The following NOL4 variants were observed in gnomAD, a reference collection of about 807,000 sequenced individuals.
NOL4 encodes nucleolar protein 4.
NOL4 carries 17 observed loss-of-function variants against 75.9 expected under a neutral mutation model. The ratio of observed to expected loss-of-function variants is 0.22; its 90% confidence interval spans 0.15 to 0.34. NOL4 has a LOEUF of 0.34. NOL4 is among the 10% of genes least tolerant of loss of function. The pLI, the probability that NOL4 is intolerant of heterozygous loss-of-function variation, is 1.00. For synonymous variants in NOL4, 292 were observed against 289.9 expected (o/e 1.01, Z -0.07); for missense variants, 614 against 793.5 (o/e 0.77, Z 2.72).
chr18:33,919,048 A>AT (rs1429296872), intron 9 of NOL4, among the ~76,000 whole-genome samples: 3 of 152,126 alleles, frequency 2.0e-5, no homozygotes, highest in African/African-American at 7.2e-5. Context: ...TATGTATTTT[A>AT]TTTTTGCAGA....
At chr18:34,041,236 C>CA (rs150441727) in intron 5 of NOL4, among the ~76,000 whole-genome samples, 3,767 of 151,872 alleles carry the variant, frequency 0.025, 162 homozygotes, top group African/African-American at 0.086. Context: ...TTGAGGTCAA[C>CA]AAGAAGCAAG....
chr18:34,204,380 C>G (rs1290032762), intron 1 of NOL4, among the ~76,000 whole-genome samples: 1 of 151,966 alleles, frequency 6.6e-6, no homozygotes, highest in African/African-American at 2.4e-5. Context: ...TATTTCATTC[C>G]TTTTTATTTT....
intron 10 of NOL4, among the ~76,000 whole-genome samples, chr18:33,881,516 CA>C (rs1414998414): frequency 1.3e-5 from 2 of 151,860 alleles, no homozygotes; most frequent in African/African-American, 2.4e-5. Context: ...AGGACCTCTT[CA>C]AGGAGAACTA....
At chr18:33,882,769 C>T (rs1487128543) in intron 10 of NOL4, among the ~76,000 whole-genome samples, 4 of 152,082 alleles carry the variant, frequency 2.6e-5, no homozygotes, top group East Asian at 3.9e-4. Context: ...ATGTTTATTG[C>T]GGCACTGTTC....
intron 1 of NOL4, among the ~76,000 whole-genome samples, chr18:34,154,058 T>A (rs1226762555): frequency 6.6e-6 from 1 of 151,912 alleles, no homozygotes; most frequent in Non-Finnish European, 1.5e-5. Flanking sequence ...TTCAGAGGAT[T>A]CCATTACTAA....
At chr18:33,895,876 A>G (rs2065371004) in intron 9 of NOL4, among the ~76,000 whole-genome samples, 2 of 152,152 alleles carry the variant, frequency 1.3e-5, no homozygotes, top group South Asian at 4.1e-4. Context: ...CTCTGTTTGC[A>G]GATAACATAA....
chr18:34,077,619 A>G (rs2077808958), intron 5 of NOL4, among the ~76,000 whole-genome samples: 1 of 152,074 alleles, frequency 6.6e-6, no homozygotes, highest in African/African-American at 2.4e-5. Flanking sequence ...ACAAACTAAA[A>G]CCTACCAAAG....
chr18:34,111,342 T>C (rs1258264710), intron 2 of NOL4, among the ~76,000 whole-genome samples: 1 of 152,328 alleles, frequency 6.6e-6, no homozygotes, highest in Non-Finnish European at 1.5e-5. Context: ...ATGTTTTGAA[T>C]GTCCGTGTCT....
Position 33,886,921 on chromosome 18 carries a change from T to C in NOL4, c.1543-3497A>G, listed in dbSNP as rs1419780228. On this transcript the variant is annotated intron_variant, in intron 9 of 10. Transcript: ENST00000261592. ...TTATATCTAGATATATCTATATACATATATATCTATATATCTATATATCTA... is the reference window on the plus strand; with the variant it reads ...TTATATCTAGATATATCTATATACACATATATCTATATATCTATATATCTA... Among the ~76,000 whole-genome samples the C allele has an allele frequency of 2.6e-5, 3 of 114,122 alleles. No individual in the cohort carries two copies. The East Asian group carries it at 6.1e-4, about 23-fold the overall frequency. The allele number at this position is 114,122 out of a possible 152,430, so 74.9% of individuals were successfully genotyped here. A position where few individuals can be genotyped will look rare whatever the true frequency, so the allele number is the denominator to read the frequency against.
At chr18:34,195,045 GAAAAGA>G (rs892047879) in intron 1 of NOL4, among the ~76,000 whole-genome samples, 1 of 149,174 alleles carries the variant, frequency 6.7e-6, no homozygotes, top group African/African-American at 2.5e-5. Context: ...AAAAAAGAAA[GAAAAGA>G]AAAAGAAAAA....
At chr18:34,098,178 C>T (rs548741480) in intron 4 of NOL4, among the ~76,000 whole-genome samples, 2 of 152,246 alleles carry the variant, frequency 1.3e-5, no homozygotes, top group Admixed American at 1.3e-4. Flanking sequence ...TTTCTCTCTC[C>T]TCCCCTTGAA....
intron 6 of NOL4, among the ~76,000 whole-genome samples, chr18:33,968,821 AAAAT>A (rs1202135142): frequency 2.0e-5 from 3 of 152,190 alleles, no homozygotes. Context: ...CACAAATGCA[AAAAT>A]AAATGACATT....
chr18:34,010,816 A>G (rs926396554), intron 6 of NOL4, among the ~76,000 whole-genome samples: 31 of 151,828 alleles, frequency 2.0e-4, no homozygotes, highest in Non-Finnish European at 5.9e-5. Context: ...GAGGTTGAGC[A>G]TTTTTTCATA....
chr18:34,026,547 T>C (rs1004428171), intron 5 of NOL4, among the ~76,000 whole-genome samples: 6 of 152,142 alleles, frequency 3.9e-5, no homozygotes, highest in Non-Finnish European at 7.4e-5. Flanking sequence ...CTGTAAATAG[T>C]GCCTAGTGTT....
chr18:34,099,485 C>T (rs187278533), intron 4 of NOL4, among the ~76,000 whole-genome samples: 27 of 152,004 alleles, frequency 1.8e-4, no homozygotes, highest in Middle Eastern at 3.4e-3. Context: ...TGCCTTTCTT[C>T]AACCATTTTG....
At chr18:33,944,503 C>T (rs538353488) in intron 8 of NOL4, among the ~76,000 whole-genome samples, 35 of 151,882 alleles carry the variant, frequency 2.3e-4, no homozygotes, top group Non-Finnish European at 4.4e-4. Flanking sequence ...CCTCACTACT[C>T]CCCCTCCAAA....
At chr18:34,108,556 T>A (rs1044442503) in intron 2 of NOL4, among the ~76,000 whole-genome samples, 2 of 152,082 alleles carry the variant, frequency 1.3e-5, no homozygotes, top group African/African-American at 4.8e-5. Context: ...TATATTCACA[T>A]CAAACATAAT....
chr18:34,020,561 C>T (rs2074978568), intron 5 of NOL4, among the ~76,000 whole-genome samples: 1 of 151,920 alleles, frequency 6.6e-6, no homozygotes, highest in Non-Finnish European at 1.5e-5. Context: ...ACATTTATAC[C>T]AGTGTTGTTC....
At chr18:34,068,216 G>A (rs2145215392) in intron 5 of NOL4, among the ~76,000 whole-genome samples, 1 of 152,188 alleles carries the variant, frequency 6.6e-6, no homozygotes, top group East Asian at 1.9e-4. Flanking sequence ...AATCAGCCAA[G>A]ACTAGGTGAC....
Sources: gnomAD v4.1 joint callset for allele counts (sites outside exome capture counted in the v4.1 genomes callset) on GRCh38, gnomAD v4.1.1 for gene constraint, MANE v1.5 for transcripts, NCBI Gene and HGNC (gene_info 2026-07-23, HGNC 2026-07-21) for gene names.